KCNH7: variants seen among roughly 807,000 people sequenced by gnomAD.
KCNH7 encodes the protein voltage-gated inwardly rectifying potassium channel KCNH7.
A neutral mutation model predicts 120.8 loss-of-function variants in KCNH7; 49 were observed. The observed-to-expected ratio is 0.41, with a 90% CI of 0.32 to 0.51. The LOEUF (loss-of-function observed/expected upper bound fraction) is 0.51. KCNH7 is among the 20% of genes least tolerant of loss of function. KCNH7 has a pLI of 0.38. For missense variants in KCNH7, 1,097 were observed against 1,446.6 expected, an observed-to-expected ratio of 0.76 and a Z score of 3.92; for synonymous variants, 547 against 516.1, an observed-to-expected ratio of 1.06 and a Z score of -0.81.
At chr2:162,794,767 A>T (rs1462615060) in intron 2 of KCNH7, among the ~76,000 whole-genome samples, 1 of 152,044 alleles carries the variant, frequency 6.6e-6, no homozygotes, top group Non-Finnish European at 1.5e-5. Flanking sequence ...CATTAGTAAT[A>T]TACGACAATG....
At chr2:162,576,187 TCTAA>T (rs1693664531) in intron 2 of KCNH7, among the ~76,000 whole-genome samples, 2 of 152,134 alleles carry the variant, frequency 1.3e-5, no homozygotes, top group South Asian at 4.1e-4. Context: ...TCATAAATTT[TCTAA>T]CTGTGATTTT....
chr2:162,556,439 T>C (rs1559012802), intron 2 of KCNH7, among the ~76,000 whole-genome samples: 1 of 152,194 alleles, frequency 6.6e-6, no homozygotes, highest in Non-Finnish European at 1.5e-5. Context: ...GACTCTTACC[T>C]CTACTTTGAT....
At chr2:162,532,305 C>T (rs1253506302) in intron 3 of KCNH7, among the ~76,000 whole-genome samples, 1 of 151,834 alleles carries the variant, frequency 6.6e-6, no homozygotes, top group Non-Finnish European at 1.5e-5. Context: ...CAGAGTTCAC[C>T]TTCAGCAGAA....
intron 2 of KCNH7, among the ~76,000 whole-genome samples, chr2:162,591,283 T>C (rs1316863844): frequency 6.6e-6 from 1 of 152,114 alleles, no homozygotes; most frequent in Non-Finnish European, 1.5e-5. Context: ...CACAATAGAA[T>C]GTGATTTCAA....
intron 6 of KCNH7, among the ~76,000 whole-genome samples, chr2:162,465,942 C>G (rs1378653033): frequency 6.6e-6 from 1 of 152,126 alleles, no homozygotes; most frequent in African/African-American, 2.4e-5. Context: ...GAACTAAACT[C>G]AACCTGTGAA....
At chr2:162,400,009 A>G (rs746495756) in intron 10 of KCNH7, among the ~76,000 whole-genome samples, 180 bp downstream of exon 10, 10 of 151,938 alleles carry the variant, frequency 6.6e-5, no homozygotes, top group Non-Finnish European at 1.0e-4. Flanking sequence ...CAGTTAAGAA[A>G]ACATATTTTC....
At chr2:162,421,080 C>A (rs921691850) in intron 9 of KCNH7, among the ~76,000 whole-genome samples, 1 of 152,052 alleles carries the variant, frequency 6.6e-6, no homozygotes, top group African/African-American at 2.4e-5. Context: ...TGCTTACTCA[C>A]TTTGCAGTCA....
chr2:162,634,010 C>T lies in KCNH7; in HGVS notation c.308-96930G>A, dbSNP rs143256093. 3.0e-3 allele frequency among the ~76,000 whole-genome samples: 462 copies of T among 151,970 alleles called. 1 individual carries two copies. Among genetic ancestry groups the T allele is most frequent in the African/African-American group, 0.011 (440 of 41,502 alleles). ...TAGATCCTTACCATTTATTGTTAAA[C>T]ATTTTCCTAGAATATGTATTTATCT... On this transcript the variant is annotated intron_variant, in intron 2 of 15. Transcript: ENST00000332142.
chr2:162,782,672 G>A (rs570161032), intron 2 of KCNH7, among the ~76,000 whole-genome samples: 1 of 152,258 alleles, frequency 6.6e-6, no homozygotes, highest in South Asian at 2.1e-4. Context: ...ATGAAGAAGA[G>A]AAAACATCTG....
chr2:162,729,253 C>T (rs1291102332), intron 2 of KCNH7, among the ~76,000 whole-genome samples: 1 of 151,220 alleles, frequency 6.6e-6, no homozygotes, highest in East Asian at 2.0e-4. Flanking sequence ...GCAAGCTCCA[C>T]CTCCCGGGTT....
chr2:162,588,583 T>C (rs1049735202), intron 2 of KCNH7, among the ~76,000 whole-genome samples: 8 of 152,094 alleles, frequency 5.3e-5, no homozygotes, highest in Admixed American at 1.3e-4. Context: ...TTTTAAAGTA[T>C]TTTGTATAGT....
At position 162,661,752 on chromosome 2, in the gene KCNH7, A is replaced by G. The variant is rs559186095; in HGVS notation, c.308-124672T>C. 4.6e-5 allele frequency among the ~76,000 whole-genome samples: 7 copies of G among 152,286 alleles called. No individual in the cohort carries two copies. In the South Asian group the frequency reaches 1.2e-3, roughly 27 times the overall value. Reference sequence around the variant, plus strand: ...GGTCATGTAATATTGAGAAGGAGATACTACACATTTAGAAAAGGAAATGAG... The same window carrying G: ...GGTCATGTAATATTGAGAAGGAGATGCTACACATTTAGAAAAGGAAATGAG... On this transcript the variant is annotated intron_variant, in intron 2 of 15. Coordinates refer to ENST00000332142, the MANE Select transcript of KCNH7 (RefSeq NM_033272.4).
intron 2 of KCNH7, among the ~76,000 whole-genome samples, chr2:162,742,832 G>A (rs1688185274): frequency 2.0e-5 from 3 of 152,172 alleles, no homozygotes; most frequent in Non-Finnish European, 4.4e-5. Context: ...AAAAATTAGA[G>A]ACATGCTCCA....
chr2:162,724,544 C>A (rs956146813), intron 2 of KCNH7, among the ~76,000 whole-genome samples: 6 of 149,560 alleles, frequency 4.0e-5, no homozygotes, highest in African/African-American at 7.4e-5. Flanking sequence ...TAGTGGCGGG[C>A]GCCTGTAGTC....
chr2:162,668,543 A>G (rs1685228210), intron 2 of KCNH7, among the ~76,000 whole-genome samples: 1 of 152,176 alleles, frequency 6.6e-6, no homozygotes, highest in African/African-American at 2.4e-5. Flanking sequence ...ACAGAACAAA[A>G]GTGATACAGG....
intron 2 of KCNH7, among the ~76,000 whole-genome samples, chr2:162,600,072 T>C (rs1694501518): frequency 6.6e-6 from 1 of 152,108 alleles, no homozygotes; most frequent in Non-Finnish European, 1.5e-5. Flanking sequence ...TGCTCACCCA[T>C]CCTGATGATG....
chr2:162,694,170 A>G (rs1002103736), intron 2 of KCNH7, among the ~76,000 whole-genome samples: 3 of 152,210 alleles, frequency 2.0e-5, no homozygotes, highest in Non-Finnish European at 4.4e-5. Flanking sequence ...AGTAATTTAC[A>G]TAGCATAAGT....
intron 8 of KCNH7, among the ~76,000 whole-genome samples, chr2:162,425,000 T>C (rs1687813093): frequency 6.6e-6 from 1 of 152,120 alleles, no homozygotes; most frequent in Non-Finnish European, 1.5e-5. Flanking sequence ...GTAAAGCAGA[T>C]TGTCCTCCCC....
chr2:162,568,099 C>T (rs1341374660), intron 2 of KCNH7, among the ~76,000 whole-genome samples: 1 of 151,922 alleles, frequency 6.6e-6, no homozygotes, highest in Non-Finnish European at 1.5e-5. Context: ...ACATGTCCTT[C>T]TTCACATGGC....
Sources: allele counts gnomAD v4.1 joint callset (sites outside exome capture counted in the v4.1 genomes callset), GRCh38; gene constraint gnomAD v4.1.1; transcripts MANE v1.5; gene names NCBI Gene and HGNC (gene_info 2026-07-23, HGNC 2026-07-21).